Variants in AKAP12 observed in about 807,000 individuals in gnomAD.
The protein encoded by AKAP12 is A-kinase anchor protein 12.
Under a neutral mutation model 79.9 loss-of-function variants are expected in AKAP12, and 32 were observed. That is an observed-to-expected ratio of 0.40 (90% CI 0.30 to 0.54). The LOEUF (loss-of-function observed/expected upper bound fraction) is 0.54, where lower values mean the gene tolerates loss of function less well. Among genes scored for constraint, AKAP12 ranks in the 20% least tolerant of loss-of-function variants. The probability of loss-of-function intolerance (pLI) is 0.48; values close to 1 mark genes in which losing one functional copy is unlikely to be tolerated. For missense variants in AKAP12, 2,074 were observed against 2,177.0 expected, an observed-to-expected ratio of 0.95 and a Z score of 0.94; for synonymous variants, 808 against 857.0, an observed-to-expected ratio of 0.94 and a Z score of 1.00.
chr6:151,291,754 T>G (rs1431184730), intron 2 of AKAP12, among the ~76,000 whole-genome samples: 2 of 152,232 alleles, frequency 1.3e-5, no homozygotes, highest in African/African-American at 4.8e-5. Context: ...TTTAATGAGT[T>G]TTTTAAGTAA....
chr6:151,242,795 G>C (rs138349470), intron 2 of AKAP12, among the ~76,000 whole-genome samples: 1 of 152,320 alleles, frequency 6.6e-6, no homozygotes, highest in African/African-American at 2.4e-5. Flanking sequence ...AACACGCCTG[G>C]TTGTGCCGAC....
At chr6:151,244,393 G>A (rs987194762) in intron 2 of AKAP12, among the ~76,000 whole-genome samples, 3 of 152,066 alleles carry the variant, frequency 2.0e-5, no homozygotes, top group Non-Finnish European at 2.9e-5. Context: ...GCGTGGTGGC[G>A]GGCGCCTGTA....
chr6:151,309,980 A>AAAAAAG (rs1248018197), intron 3 of AKAP12, among the ~76,000 whole-genome samples: 1 of 152,036 alleles, frequency 6.6e-6, no homozygotes, highest in Non-Finnish European at 1.5e-5. Flanking sequence ...ATGAAAAAAA[A>AAAAAAG]AAAAAGAAAA....
chr6:151,316,694 G>A (rs1024314646), intron 3 of AKAP12, among the ~76,000 whole-genome samples: 5 of 152,144 alleles, frequency 3.3e-5, no homozygotes, highest in African/African-American at 7.2e-5. Context: ...GCAGTGGCGC[G>A]ATCTCGGCTC....
At chr6:151,261,252 C>T (rs1009010585) in intron 2 of AKAP12, among the ~76,000 whole-genome samples, 2 of 151,416 alleles carry the variant, frequency 1.3e-5, no homozygotes, top group African/African-American at 4.9e-5. Context: ...TGGTGGTGGG[C>T]GCCTGCAATC....
At chr6:151,315,556 G>C (rs1340322796) in intron 3 of AKAP12, among the ~76,000 whole-genome samples, 1 of 152,178 alleles carries the variant, frequency 6.6e-6, no homozygotes, top group African/African-American at 2.4e-5. Flanking sequence ...TTTATTTATG[G>C]AATGAAAATC....
intron 2 of AKAP12, among the ~76,000 whole-genome samples, chr6:151,292,648 A>T (rs60937846): frequency 0.13 from 19,803 of 152,226 alleles, 1,449 homozygotes; most frequent in Middle Eastern, 0.2. Context: ...GGTCTCGATT[A>T]TCCTCCTCAT....
chr6:151,246,572 G>A (rs1797079425), intron 2 of AKAP12, among the ~76,000 whole-genome samples: 1 of 152,154 alleles, frequency 6.6e-6, no homozygotes, highest in Non-Finnish European at 1.5e-5. Context: ...ACTTGCCAAT[G>A]TGCTAGGTGA....
chr6:151,288,110 T>C (rs921758677), intron 2 of AKAP12, among the ~76,000 whole-genome samples: 1 of 151,870 alleles, frequency 6.6e-6, no homozygotes, highest in Non-Finnish European at 1.5e-5. Context: ...AAATACCTAA[T>C]GTAGTTGACG....
chr6:151,358,516 A>G lies in AKAP12; in HGVS notation c.*2802A>G, dbSNP rs879669563. ...TTGGGGCAAATTTTCATTTATCTAA[A>G]TAAAATGCAATCTAATTAAATGCCA... On this transcript the variant is annotated 3_prime_UTR_variant, in exon 5 of 5. Coordinates refer to ENST00000402676, the MANE Select transcript of AKAP12 (RefSeq NM_005100.4). 1 of 152,250 alleles carries G rather than the reference A, an allele frequency of 6.6e-6. No homozygotes were observed. The highest frequency in any genetic ancestry group is 2.4e-5 in the African/African-American group (1 of 41,468). The allele number at this position is 152,250 out of a possible 1,614,324, so 9.4% of individuals were successfully genotyped here.
Position 151,240,493 on chromosome 6 carries a change from T to C in AKAP12, c.-70T>C, listed in dbSNP as rs927053503. 8 of 1,339,454 alleles carry C rather than the reference T, an allele frequency of 6.0e-6. No homozygotes were observed. In the African/African-American group the frequency reaches 1.2e-4, roughly 21 times the overall value. 83.0% of individuals were successfully genotyped at this position (1,339,454 alleles called of 1,614,324 possible). A position where few individuals can be genotyped will look rare whatever the true frequency, so the allele number is the denominator to read the frequency against. Reference sequence around the variant, plus strand: ...CTCGCGGGCGCGCGTCTTTTGGCTCTTGCCCCTGTCCCTGCGGCTTGGGGA... The same window carrying C: ...CTCGCGGGCGCGCGTCTTTTGGCTCCTGCCCCTGTCCCTGCGGCTTGGGGA... On this transcript the variant is annotated 5_prime_UTR_variant, in exon 2 of 5. Transcript: ENST00000402676.
In AKAP12 at chr6:151,350,264, C is replaced by T. The variant is rs181623815; in HGVS notation, c.1873C>T (p.Arg625Trp). The change falls in exon 4 of 5, where the codon CGG (arginine) becomes TGG (tryptophan). Residue 625 changes from arginine (R) to tryptophan (W), a missense_variant. Physicochemically the swap from Arg to Trp is moderately radical, Grantham distance 101. Transcript: ENST00000402676. The surrounding 1 kb of genome is among the most constrained non-coding windows in gnomAD (Gnocchi z 4.8). ...GGTGACGCCCAAGAAGCGTGTTAGA[C>T]GGCCTTCGGAAAGTGATAAAGAAGA... ...KMVTPKKRVR[R>W]PSESDKEDEL... The T allele has an allele frequency of 6.3e-5, 102 of 1,613,924 alleles. No homozygotes were observed. The highest frequency in any genetic ancestry group is 3.5e-4 in the Admixed American group (21 of 60,004).
At position 151,325,452 on chromosome 6, in the gene AKAP12, G is replaced by T. The variant is rs1011508780; in HGVS notation, c.319+19549G>T. 11 of 985,312 alleles carry T rather than the reference G, an allele frequency of 1.1e-5. No individual in the cohort carries two copies. In the African/African-American group the frequency reaches 1.7e-4, roughly 16 times the overall value. 61.0% of individuals were successfully genotyped at this position (985,312 alleles called of 1,614,324 possible). On this transcript the variant is annotated intron_variant, in intron 3 of 4. Transcript: ENST00000402676. ...CCCAGCACCCTTTAAACCCTCCCGG[G>T]ACTCTGCAGAACCCGCTGACCACTC...
chr6:151,341,176 C>T (rs955553297), intron 3 of AKAP12, among the ~76,000 whole-genome samples: 1 of 151,840 alleles, frequency 6.6e-6, no homozygotes, highest in Non-Finnish European at 1.5e-5. Flanking sequence ...CTCAGCCTCC[C>T]GAGTAGCTGG....
chr6:151,242,507 C>T (rs1796998032), intron 2 of AKAP12, among the ~76,000 whole-genome samples: 1 of 152,238 alleles, frequency 6.6e-6, no homozygotes, highest in Admixed American at 6.5e-5. Flanking sequence ...AATCAGTGCA[C>T]TTACATGTAT....
At chr6:151,268,021 G>C (rs913261562) in intron 2 of AKAP12, among the ~76,000 whole-genome samples, 2 of 152,100 alleles carry the variant, frequency 1.3e-5, no homozygotes, top group East Asian at 1.9e-4. Context: ...CTTCCTACCT[G>C]ACAGATGCCA....
chr6:151,315,661 A>C (rs558438361), intron 3 of AKAP12, among the ~76,000 whole-genome samples: 3 of 152,176 alleles, frequency 2.0e-5, no homozygotes, highest in Non-Finnish European at 4.4e-5. Flanking sequence ...TAAGGCAATG[A>C]TATAGTCTAG....
chr6:151,252,095 C>A (rs573923763), intron 2 of AKAP12, among the ~76,000 whole-genome samples: 2 of 152,300 alleles, frequency 1.3e-5, no homozygotes, highest in Admixed American at 1.3e-4. Flanking sequence ...CAAAGCATTT[C>A]TCTAATAGTG....
chr6:151,296,359 TAGTTAA>T (rs985318008), intron 2 of AKAP12, among the ~76,000 whole-genome samples: 2 of 152,270 alleles, frequency 1.3e-5, no homozygotes, highest in Admixed American at 6.5e-5. Flanking sequence ...AAAACCTTGC[TAGTTAA>T]AAGGCCTCCT....
Sources: gnomAD v4.1 joint callset for allele counts (sites outside exome capture counted in the v4.1 genomes callset) on GRCh38, gnomAD v4.1.1 for gene constraint, Gnocchi (gnomAD v3.1) non-coding constraint, MANE v1.5 for transcripts, NCBI Gene and HGNC (gene_info 2026-07-23, HGNC 2026-07-21) for gene names.